Variants in SPIDR observed in about 807,000 individuals in gnomAD.
The protein encoded by SPIDR is DNA repair-scaffolding protein.
In SPIDR, 93 loss-of-function variants were observed where a neutral mutation model predicts 104.6. That is an observed-to-expected ratio of 0.89 (90% CI 0.75 to 1.06). The LOEUF (loss-of-function observed/expected upper bound fraction) is 1.06. Ranked by LOEUF, SPIDR falls within the 50% of genes least tolerant of loss-of-function variation. The pLI is 0.00. For synonymous variants in SPIDR, 431 were observed against 416.9 expected, an observed-to-expected ratio of 1.03 and a Z score of -0.41; for missense variants, 1,154 against 1,111.2, an observed-to-expected ratio of 1.04 and a Z score of -0.55.
chr8:47,654,708 C>T (rs945799525), intron 10 of SPIDR, among the ~76,000 whole-genome samples: 5 of 152,074 alleles, frequency 3.3e-5, no homozygotes, highest in African/African-American at 4.8e-5. Flanking sequence ...TCTTTTAATA[C>T]GACTGGCATG....
intron 1 of SPIDR, among the ~76,000 whole-genome samples, chr8:47,278,747 A>G (rs1229726374): frequency 6.6e-6 from 1 of 152,152 alleles, no homozygotes; most frequent in Non-Finnish European, 1.5e-5. Context: ...AGCTAGGACT[A>G]CAGGTGCATG....
intron 7 of SPIDR, among the ~76,000 whole-genome samples, chr8:47,430,841 A>AT (rs2067233237): frequency 6.6e-6 from 1 of 152,142 alleles, no homozygotes; most frequent in Admixed American, 6.5e-5. Context: ...TTTTAATCCT[A>AT]TTTTCTGAGC....
At chr8:47,333,163 A>G (rs1563649802) in intron 5 of SPIDR, among the ~76,000 whole-genome samples, 1 of 152,160 alleles carries the variant, frequency 6.6e-6, no homozygotes, top group Admixed American at 6.6e-5. Flanking sequence ...CTTCAGGGGC[A>G]GTAACACTCA....
chr8:47,729,795 T>G, intron 19 of SPIDR: 1 of 237,368 alleles, frequency 4.2e-6, no homozygotes, highest in Non-Finnish European at 8.1e-6. Context: ...CTCAGCTCAC[T>G]GCAACCTCCG....
At chr8:47,263,565 C>T (rs1016826627) in intron 1 of SPIDR, among the ~76,000 whole-genome samples, 3 of 152,174 alleles carry the variant, frequency 2.0e-5, no homozygotes, top group African/African-American at 4.8e-5. Context: ...GTGATCCGCC[C>T]GCCTCGGCCT....
intron 1 of SPIDR, among the ~76,000 whole-genome samples, chr8:47,275,464 T>C (rs2036227826): frequency 6.6e-6 from 1 of 152,120 alleles, no homozygotes; most frequent in Non-Finnish European, 1.5e-5. Flanking sequence ...GAAAAATAGG[T>C]AAGAATAATA....
intron 8 of SPIDR, among the ~76,000 whole-genome samples, chr8:47,587,536 G>A (rs573558318): frequency 4.2e-4 from 63 of 151,010 alleles, no homozygotes; most frequent in African/African-American, 1.3e-3. Flanking sequence ...AACCTGGGAG[G>A]CAGACGGAGG....
At chr8:47,576,558 C>G (rs1198593166) in intron 8 of SPIDR, among the ~76,000 whole-genome samples, 1 of 152,104 alleles carries the variant, frequency 6.6e-6, no homozygotes, top group Non-Finnish European at 1.5e-5. Flanking sequence ...TTCAGCCTCC[C>G]AAGTAGCTAG....
chr8:47,531,017 C>G (rs912356760), intron 8 of SPIDR, among the ~76,000 whole-genome samples: 15 of 151,888 alleles, frequency 9.9e-5, no homozygotes, highest in Admixed American at 9.8e-4. Context: ...CACAAGCGAC[C>G]CTCCCACTTA....
intron 10 of SPIDR, among the ~76,000 whole-genome samples, chr8:47,614,120 G>A (rs150836143): frequency 2.0e-5 from 3 of 152,114 alleles, no homozygotes; most frequent in Non-Finnish European, 2.9e-5. Context: ...AACATGTAGC[G>A]TTTGGTTTTC....
At chr8:47,575,329 T>C (rs2058948437) in intron 8 of SPIDR, among the ~76,000 whole-genome samples, 1 of 152,198 alleles carries the variant, frequency 6.6e-6, no homozygotes, top group African/African-American at 2.4e-5. Flanking sequence ...ATACACTAAA[T>C]ATTTCTTAAC....
chr8:47,375,677 G>T (rs1404445567), intron 5 of SPIDR, among the ~76,000 whole-genome samples: 1 of 152,044 alleles, frequency 6.6e-6, no homozygotes, highest in Non-Finnish European at 1.5e-5. Flanking sequence ...TGTTGCATAG[G>T]CTGGCCTCGA....
chr8:47,274,287 A>G (rs890023600), intron 1 of SPIDR, among the ~76,000 whole-genome samples: 4 of 152,174 alleles, frequency 2.6e-5, no homozygotes, highest in African/African-American at 4.8e-5. Context: ...TATAAAGTTC[A>G]TGAGGAACAT....
At position 47,263,030 on chromosome 8, in the gene SPIDR, A is replaced by G. The variant is rs1274752895; in HGVS notation, c.33+2039A>G. Among the ~76,000 whole-genome samples the G allele has an allele frequency of 2.0e-5, 3 of 152,332 alleles. No individual in the cohort carries two copies. In the East Asian group the frequency reaches 5.8e-4, roughly 29 times the overall value. ...CTGTGTTTAGTGCTTTATATGTATTAACTAATTTAATTATTTTAACAGTCC... is the reference window on the plus strand; with the variant it reads ...CTGTGTTTAGTGCTTTATATGTATTGACTAATTTAATTATTTTAACAGTCC... On this transcript the variant is annotated intron_variant, in intron 1 of 19. Coordinates refer to ENST00000297423, the MANE Select transcript of SPIDR (RefSeq NM_001080394.4).
At chr8:47,653,673 G>C (rs1485222170) in intron 10 of SPIDR, among the ~76,000 whole-genome samples, 1 of 152,130 alleles carries the variant, frequency 6.6e-6, no homozygotes, top group Non-Finnish European at 1.5e-5. Context: ...ATAAATGCCT[G>C]TTGATTAACT....
chr8:47,302,587 T>C (rs782421922), intron 5 of SPIDR, among the ~76,000 whole-genome samples: 1 of 152,182 alleles, frequency 6.6e-6, no homozygotes, highest in Non-Finnish European at 1.5e-5. Context: ...TATGTACCTT[T>C]GGTCTTTGAT....
intron 8 of SPIDR, among the ~76,000 whole-genome samples, chr8:47,477,207 T>A (rs188705115): frequency 2.1e-4 from 31 of 149,532 alleles, no homozygotes; most frequent in African/African-American, 4.1e-4. Flanking sequence ...CGCAATATAT[T>A]TTTTTTTTTT....
At chr8:47,509,858 C>G (rs1282638107) in intron 8 of SPIDR, among the ~76,000 whole-genome samples, 1 of 152,044 alleles carries the variant, frequency 6.6e-6, no homozygotes, top group Non-Finnish European at 1.5e-5. Context: ...ATGATGCACT[C>G]ACACATACGT....
chr8:47,466,369 TG>T (rs1408970485), intron 8 of SPIDR, among the ~76,000 whole-genome samples: 4 of 152,218 alleles, frequency 2.6e-5, no homozygotes, highest in African/African-American at 9.6e-5. Flanking sequence ...CTAAGAAATT[TG>T]ATCAAAACCG....
Sources: allele counts gnomAD v4.1 joint callset (sites outside exome capture counted in the v4.1 genomes callset), GRCh38; gene constraint gnomAD v4.1.1; transcripts MANE v1.5; gene names NCBI Gene and HGNC (gene_info 2026-07-23, HGNC 2026-07-21).